Variants in ZNF333 observed in about 807,000 individuals in gnomAD.
The protein encoded by ZNF333 is zinc finger protein 333.
Under a neutral mutation model 76.1 loss-of-function variants are expected in ZNF333, and 61 were observed. The ratio of observed to expected loss-of-function variants is 0.80; its 90% CI spans 0.65 to 0.99. The LOEUF is 0.99. Among genes scored for constraint, ZNF333 ranks in the 50% least tolerant of loss-of-function variants. The pLI is 0.00. For synonymous variants in ZNF333, 284 were observed against 305.0 expected (o/e 0.93, Z 0.72); for missense variants, 717 against 822.4 (o/e 0.87, Z 1.57).
At chr19:14,727,249 C>T (rs574015212) in intron 11 of ZNF333, among the ~76,000 whole-genome samples, 57 of 152,174 alleles carry the variant, frequency 3.7e-4, no homozygotes, top group Non-Finnish European at 6.0e-4. Context: ...AGGATGGTCT[C>T]GATCTCCTGA....
intron 7 of ZNF333, among the ~76,000 whole-genome samples, chr19:14,709,515 A>G (rs2042217302): frequency 6.6e-6 from 1 of 152,216 alleles, no homozygotes; most frequent in Non-Finnish European, 1.5e-5. Context: ...ATGTCTCTAG[A>G]TGCTGCAGAC....
chr19:14,718,882 A>G lies in ZNF333; in HGVS notation c.1555A>G (p.Thr519Ala). Residue 519 changes from threonine to alanine, a missense_variant, in exon 12 of 12, where the codon ACT becomes GCT. Coordinates refer to ENST00000292530, the MANE Select transcript of ZNF333 (RefSeq NM_032433.4). ...NQCGKPFRTSTHLNVHKRIHT... is the reference protein window; with the variant it reads ...NQCGKPFRTSAHLNVHKRIHT... ...GTGTGGCAAGCCCTTCCGGACGAGC[A>G]CTCATCTGAACGTGCACAAGAGGAT... 6.2e-6 allele frequency: 10 copies of G among 1,614,098 alleles called. No homozygotes were observed. Among genetic ancestry groups the G allele is most frequent in the South Asian group, 1.1e-5 (1 of 91,076 alleles).
rs760720838 is a variant in ZNF333, at chr19:14,718,866, G to C, written c.1539G>C (p.Lys513Asn). The change falls in exon 12 of 12, where the codon AAG becomes AAC. Residue 513 changes from lysine to asparagine, a missense_variant. Physicochemically the swap from Lys to Asn is moderately conservative, Grantham distance 94. Transcript: ENST00000292530. ...EKPYECNQCG[K>N]PFRTSTHLNV... ...CATATGAATGCAACCAGTGTGGCAAGCCCTTCCGGACGAGCACTCATCTGA... is the reference window on the plus strand; with the variant it reads ...CATATGAATGCAACCAGTGTGGCAACCCCTTCCGGACGAGCACTCATCTGA... 6.2e-7 allele frequency: 1 copy of C among 1,614,178 alleles called. No individual in the cohort carries two copies. Among genetic ancestry groups the C allele is most frequent in the Non-Finnish European group, 8.5e-7 (1 of 1,180,042 alleles).
intron 11 of ZNF333, among the ~76,000 whole-genome samples, chr19:14,730,083 C>T (rs1033902951): frequency 1.3e-5 from 2 of 152,194 alleles, no homozygotes; most frequent in South Asian, 2.1e-4. Flanking sequence ...GATGGAGTCT[C>T]GCTCTGTCAC....
rs76529643 is a variant in ZNF333, at chr19:14,729,048, G to A, written c.901-2127G>A. On this transcript the variant is annotated intron_variant, in intron 11 of 11. Transcript: ENST00000540689. The stretch of plus-strand genomic sequence containing the variant: ...GAAGGGTATGTGTGTGGTTTTGAGG[G>A]GTGGAACGGGTGCAGAATGCGTGAC... Among the ~76,000 whole-genome samples the A allele has an allele frequency of 3.4e-3, 513 of 152,288 alleles. 3 individuals carry two copies. The highest frequency in any genetic ancestry group is 0.011 in the African/African-American group (452 of 41,564).
intron 11 of ZNF333, among the ~76,000 whole-genome samples, chr19:14,729,923 C>T (rs2042657046): frequency 6.6e-6 from 1 of 152,158 alleles, no homozygotes; most frequent in South Asian, 2.1e-4. Context: ...AGTGGGATCC[C>T]TGCTAGTTGT....
At chr19:14,694,009 A>T (rs11667655) in intron 2 of ZNF333, among the ~76,000 whole-genome samples, 3 of 150,070 alleles carry the variant, frequency 2.0e-5, no homozygotes, top group Admixed American at 1.3e-4. Context: ...AAAAAAATTA[A>T]AAAGTTTAAG....
downstream of ZNF333, among the ~76,000 whole-genome samples, chr19:14,725,415 CA>C (rs1414586476): frequency 6.6e-6 from 1 of 152,134 alleles, no homozygotes; most frequent in African/African-American, 2.4e-5. Context: ...TTGCAAAATA[CA>C]ATCATCCCTT....
chr19:14,705,037 C>T lies in ZNF333; in HGVS notation c.307-17C>T, dbSNP rs2042069142. 2 of 1,611,938 alleles carry T rather than the reference C, an allele frequency of 1.2e-6. No individual in the cohort carries two copies. The highest frequency in any genetic ancestry group is 1.7e-5 in the Admixed American group (1 of 59,902). Reference sequence around the variant, plus strand: ...TGCCAACTCTGTCCTGCTCAGCACCCTCTTGTCTTTTGCCAGGGGCCGGGG... The same window carrying T: ...TGCCAACTCTGTCCTGCTCAGCACCTTCTTGTCTTTTGCCAGGGGCCGGGG... On this transcript the variant is annotated splice_polypyrimidine_tract_variant and intron_variant, in intron 5 of 11. Coordinates refer to ENST00000292530, the MANE Select transcript of ZNF333 (RefSeq NM_032433.4).
In ZNF333 at chr19:14,718,468, C is replaced by T; in HGVS notation, c.1141C>T (p.Leu381Phe). The T allele has an allele frequency of 6.2e-7, 1 of 1,614,196 alleles. No individual in the cohort carries two copies. The highest frequency in any genetic ancestry group is 8.5e-7 in the Non-Finnish European group (1 of 1,180,040). Residue 381 changes from leucine (L) to phenylalanine (F), a missense_variant, in exon 12 of 12, where the codon CTT (leucine) becomes TTT (phenylalanine). Leu to Phe is a conservative substitution (Grantham distance 22). Coordinates refer to ENST00000292530, the MANE Select transcript of ZNF333 (RefSeq NM_032433.4). ...CEKSFRYSSD[L>F]IRHEKTHTAE... ...AAAATCCTTCAGATACAGCTCTGAC[C>T]TTATCAGGCATGAGAAGACTCATAC...
Position 14,721,292 on chromosome 19 carries a change from T to A in ZNF333, c.*1967T>A, listed in dbSNP as rs963011340. ...ATTTTTACTTGTTCTTTTTTTTTTTTTTTTTTTTTTTTTGGTTTTAAAGTT... is the reference window on the plus strand; with the variant it reads ...ATTTTTACTTGTTCTTTTTTTTTTTATTTTTTTTTTTTTGGTTTTAAAGTT... On this transcript the variant is annotated 3_prime_UTR_variant, in exon 12 of 12. Coordinates refer to ENST00000292530, the MANE Select transcript of ZNF333 (RefSeq NM_032433.4). 9.6e-5 allele frequency: 14 copies of A among 145,170 alleles called. No homozygotes were observed. The highest frequency in any genetic ancestry group is 3.8e-4 in the African/African-American group (14 of 37,146). The allele number at this position is 145,170 out of a possible 1,614,324, so 9.0% of individuals were successfully genotyped here.
rs2042515067 is a variant in ZNF333, at chr19:14,718,796, ACT to A, written c.1472_1473del (p.Ser491PhefsTer16). The stretch of plus-strand genomic sequence containing the variant: ...CAGTGTGGGAAAGCCTTCAGGGAAC[ACT>A]CTTCACTGAAGACACATCTGCGAAC... On this transcript the variant is annotated frameshift_variant, in exon 12 of 12. Transcript: ENST00000292530. LOFTEE classifies it high-confidence loss of function. The A allele has an allele frequency of 6.2e-7, 1 of 1,612,740 alleles. No individual in the cohort carries two copies. The highest frequency in any genetic ancestry group is 1.7e-5 in the Admixed American group (1 of 59,852).
Position 14,716,987 on chromosome 19 carries a change from T to C in ZNF333, c.728-7T>C, listed in dbSNP as rs1281778663. The C allele has an allele frequency of 3.7e-6, 6 of 1,608,232 alleles. No homozygotes were observed. The African/African-American group carries it at 6.7e-5, about 18-fold the overall frequency. On this transcript the variant is annotated splice_polypyrimidine_tract_variant and splice_region_variant and intron_variant, in intron 9 of 11. Coordinates refer to ENST00000292530, the MANE Select transcript of ZNF333 (RefSeq NM_032433.4). ...TCGCACAACATGTGTTTTTTTCTCA[T>C]GAGCAGCTGATCAACTGTGCAAACC...
At chr19:14,716,930 A>G (rs1364689679) in intron 9 of ZNF333, 64 bp from the exon 10 acceptor site, 2 of 1,445,526 alleles carry the variant, frequency 1.4e-6, no homozygotes, top group African/African-American at 1.4e-5. Context: ...ACTTGAGAAT[A>G]TCGGCCCTGG....
At chr19:14,706,915 CT>C in intron 7 of ZNF333, 142 bp downstream of exon 7, 1 of 634,498 alleles carries the variant, frequency 1.6e-6, no homozygotes, top group Non-Finnish European at 2.6e-6. Context: ...CAGAAGGCCT[CT>C]CTCATTATTT....
chr19:14,692,311 A>G (rs1972834986), intron 1 of ZNF333, among the ~76,000 whole-genome samples: 1 of 152,206 alleles, frequency 6.6e-6, no homozygotes, highest in African/African-American at 2.4e-5. Context: ...CAAGGGGTCT[A>G]GCTGTGGAGT....
intron 6 of ZNF333, among the ~76,000 whole-genome samples, chr19:14,705,376 C>G (rs1297304308): frequency 6.6e-6 from 1 of 152,240 alleles, no homozygotes; most frequent in East Asian, 1.9e-4. Flanking sequence ...AGGGCGGGTC[C>G]TGGGGGAGGG....
chr19:14,701,578 C>T (rs1477932302), intron 5 of ZNF333: 2 of 985,334 alleles, frequency 2.0e-6, no homozygotes, highest in Admixed American at 1.2e-4. Flanking sequence ...CTCTCTTGCT[C>T]AGCAGGTGGA....
chr19:14,731,071 C>T, intron 11 of ZNF333: 2 of 980,558 alleles, frequency 2.0e-6, no homozygotes, highest in Non-Finnish European at 1.6e-6. Flanking sequence ...GCCCTGGTCT[C>T]AAGCACCGCC....
Sources: gnomAD v4.1 joint callset for allele counts (sites outside exome capture counted in the v4.1 genomes callset) on GRCh38, gnomAD v4.1.1 for gene constraint, MANE v1.5 for transcripts, NCBI Gene and HGNC (gene_info 2026-07-23, HGNC 2026-07-21) for gene names.